Variants in UNC79 observed in about 807,000 individuals in gnomAD.
The protein encoded by UNC79 is protein unc-79 homolog.
Under a neutral mutation model 283.1 loss-of-function variants are expected in UNC79, and 37 were observed. The ratio of observed to expected loss-of-function variants is 0.13; its 90% CI spans 0.10 to 0.17. The LOEUF (loss-of-function observed/expected upper bound fraction) is 0.17. Among genes scored for constraint, UNC79 ranks in the 10% least tolerant of loss-of-function variants. The pLI, the probability that UNC79 is intolerant of heterozygous loss-of-function variation, is 1.00. For missense variants in UNC79, 2,272 were observed against 3,211.1 expected, an observed-to-expected ratio of 0.71 and a Z score of 7.07; for synonymous variants, 1,107 against 1,200.2, an observed-to-expected ratio of 0.92 and a Z score of 1.61.
intron 4 of UNC79, among the ~76,000 whole-genome samples, chr14:93,485,842 T>C (rs1297450981): frequency 6.6e-6 from 1 of 152,164 alleles, no homozygotes; most frequent in Non-Finnish European, 1.5e-5. Flanking sequence ...TAGATATGTT[T>C]TGTTTGTTTA....
chr14:93,395,550 T>A (rs955334617), intron 1 of UNC79, among the ~76,000 whole-genome samples: 1 of 152,192 alleles, frequency 6.6e-6, no homozygotes, highest in African/African-American at 2.4e-5. Flanking sequence ...CATGATCCCA[T>A]CACCATCCAC....
At chr14:93,487,846 C>T (rs12884458) in intron 5 of UNC79, 91 bp downstream of exon 5, 396,742 of 1,229,866 alleles carry the variant, frequency 0.32, 67,034 homozygotes, top group East Asian at 0.64. Flanking sequence ...CATGTGAGAA[C>T]GTCATCATCA....
At chr14:93,571,187 G>T (rs980508764) in intron 14 of UNC79, among the ~76,000 whole-genome samples, 1 of 152,108 alleles carries the variant, frequency 6.6e-6, no homozygotes, top group East Asian at 1.9e-4. Flanking sequence ...GTGTTATTTA[G>T]TAAAGACTCA....
At chr14:93,638,888 A>G (rs971363456) in intron 32 of UNC79, among the ~76,000 whole-genome samples, 2 of 152,154 alleles carry the variant, frequency 1.3e-5, no homozygotes, top group African/African-American at 2.4e-5. Context: ...CAGTAGCAAT[A>G]TTTAGCGATC....
intron 24 of UNC79, 52 bp downstream of exon 24, chr14:93,597,592 C>T (rs755371156): frequency 6.4e-7 from 1 of 1,557,410 alleles, no homozygotes; most frequent in South Asian, 1.2e-5. Context: ...GTCAGCACTA[C>T]TAAATCATTG....
At chr14:93,592,420 T>C (rs2064762364) in intron 22 of UNC79, among the ~76,000 whole-genome samples, 1 of 152,102 alleles carries the variant, frequency 6.6e-6, no homozygotes, top group South Asian at 2.1e-4. Flanking sequence ...GTGATCCACC[T>C]GCCTCAGCCT....
intron 47 of UNC79, among the ~76,000 whole-genome samples, chr14:93,703,807 CT>C (rs2141082507): frequency 6.6e-6 from 1 of 152,326 alleles, no homozygotes; most frequent in East Asian, 1.9e-4. Context: ...CGGAGTCCCC[CT>C]CCACCATTTA....
intron 1 of UNC79, chr14:93,464,453 G>T: frequency 2.2e-6 from 1 of 451,682 alleles, no homozygotes; most frequent in Non-Finnish European, 4.4e-6. Context: ...AGTCAGATTG[G>T]ATTAGGGTCC....
Position 93,483,498 on chromosome 14 carries a change from A to G in UNC79, c.620-4165A>G, listed in dbSNP as rs916577549. On this transcript the variant is annotated intron_variant, in intron 4 of 48. Coordinates refer to ENST00000555664, the Ensembl canonical transcript of UNC79. ...AACACAGCTCTAGCATCTAGGATCC[A>G]TAAGGACAAAGACCTGTCTGTCTTT... Among the ~76,000 whole-genome samples the G allele has an allele frequency of 3.3e-5, 5 of 150,860 alleles. No individual in the cohort carries two copies. In the South Asian group the frequency reaches 6.4e-4, roughly 19 times the overall value.
At chr14:93,680,243 T>G (rs2073736350) in intron 41 of UNC79, among the ~76,000 whole-genome samples, 1 of 152,222 alleles carries the variant, frequency 6.6e-6, no homozygotes, top group African/African-American at 2.4e-5. Context: ...TGCATTGCAC[T>G]TTGCTGAGTA....
intron 14 of UNC79, among the ~76,000 whole-genome samples, chr14:93,559,152 A>C (rs2062388398): frequency 6.6e-6 from 1 of 152,238 alleles, no homozygotes; most frequent in South Asian, 2.1e-4. Context: ...GCTGTGCTGG[A>C]GTATAAAGAT....
chr14:93,412,639 C>A lies in UNC79; in HGVS notation c.-350-55032C>A, dbSNP rs2055358567. 2.6e-5 allele frequency among the ~76,000 whole-genome samples: 4 copies of A among 152,060 alleles called. No homozygotes were observed. The South Asian group carries it at 8.3e-4, about 32-fold the overall frequency. On this transcript the variant is annotated intron_variant, in intron 1 of 49. Coordinates refer to the UNC79 transcript ENST00000256339. ...GGCAGTCTTCTTTGGGTTAAATCTTCTTGGTGTCTTACAACCTTCTTGTAC... is the reference window on the plus strand; with the variant it reads ...GGCAGTCTTCTTTGGGTTAAATCTTATTGGTGTCTTACAACCTTCTTGTAC...
intron 41 of UNC79, among the ~76,000 whole-genome samples, chr14:93,674,183 C>G (rs1276545408): frequency 6.6e-6 from 1 of 152,074 alleles, no homozygotes; most frequent in Non-Finnish European, 1.5e-5. Flanking sequence ...AAGTTGAGAG[C>G]AGGATGGATC....
intron 16 of UNC79, among the ~76,000 whole-genome samples, chr14:93,573,018 A>G (rs2063293643): frequency 6.6e-6 from 1 of 152,246 alleles, no homozygotes; most frequent in East Asian, 1.9e-4. Flanking sequence ...ATATAAATAT[A>G]TAAATTGTGC....
At chr14:93,340,467 A>AAAAAAGAGTT (rs1555396120) in intron 1 of UNC79, among the ~76,000 whole-genome samples, 1 of 145,558 alleles carries the variant, frequency 6.9e-6, no homozygotes, top group African/African-American at 2.6e-5. Flanking sequence ...AAAAAAAAGA[A>AAAAAAGAGTT]GGCCACCTAT....
intron 14 of UNC79, among the ~76,000 whole-genome samples, chr14:93,555,044 A>G (rs145312537): frequency 6.6e-6 from 1 of 152,344 alleles, no homozygotes; most frequent in African/African-American, 2.4e-5. Context: ...ACAGTTATCA[A>G]AAGTCATAGA....
chr14:93,644,283 A>C (rs560363438), intron 34 of UNC79, among the ~76,000 whole-genome samples: 2 of 152,384 alleles, frequency 1.3e-5, no homozygotes, highest in East Asian at 3.8e-4. Flanking sequence ...AATTCTATTT[A>C]GTAGATAGGA....
chr14:93,460,028 T>C (rs1408187305), intron 1 of UNC79, among the ~76,000 whole-genome samples: 179 of 104,280 alleles, frequency 1.7e-3, no homozygotes, highest in African/African-American at 6.0e-3. Context: ...ACCATTACCA[T>C]TAAAAGTTGA....
intron 1 of UNC79, among the ~76,000 whole-genome samples, chr14:93,404,511 T>TATATATATATATATATAA (rs1342806157): frequency 7.7e-5 from 9 of 117,172 alleles, no homozygotes; most frequent in Non-Finnish European, 1.4e-4. Flanking sequence ...TATATATATA[T>TATATATATATATATATAA]ATAAATATAT....
Sources: gnomAD v4.1 joint callset for allele counts (sites outside exome capture counted in the v4.1 genomes callset) on GRCh38, gnomAD v4.1.1 for gene constraint, MANE v1.5 for transcripts, NCBI Gene and HGNC (gene_info 2026-07-23, HGNC 2026-07-21) for gene names.